ARHGEF37: variants seen among roughly 807,000 people sequenced by gnomAD.
ARHGEF37 encodes the protein Rho guanine nucleotide exchange factor (GEF) 37.
A neutral mutation model predicts 71.1 loss-of-function variants in ARHGEF37; 55 were observed. The ratio of observed to expected loss-of-function variants is 0.77; its 90% CI spans 0.62 to 0.97. ARHGEF37 has a LOEUF of 0.97. Ranked by LOEUF, ARHGEF37 falls within the 50% of genes least tolerant of loss-of-function variation. The pLI, the probability that ARHGEF37 is intolerant of heterozygous loss-of-function variation, is 0.00. For missense variants in ARHGEF37, 765 were observed against 836.8 expected (o/e 0.91, Z 1.06); for synonymous variants, 327 against 350.6 (o/e 0.93, Z 0.75).
chr5:149,601,718 C>CCT (rs1580909431), intron 3 of ARHGEF37, among the ~76,000 whole-genome samples: 1 of 152,042 alleles, frequency 6.6e-6, no homozygotes, highest in East Asian at 1.9e-4. Context: ...TGAGGGAAGG[C>CCT]CTCTGGAGGA....
At chr5:149,558,025 C>G (rs992634869) in intron 1 of ARHGEF37, among the ~76,000 whole-genome samples, 1 of 152,022 alleles carries the variant, frequency 6.6e-6, no homozygotes, top group Admixed American at 6.6e-5. Context: ...GCCACCACGA[C>G]TGGCTAATTA....
chr5:149,587,009 G>A (rs1245839206), intron 1 of ARHGEF37, among the ~76,000 whole-genome samples: 1 of 152,142 alleles, frequency 6.6e-6, no homozygotes, highest in African/African-American at 2.4e-5. Context: ...GATGATCTCT[G>A]TTTCCCTTTC....
intron 1 of ARHGEF37, among the ~76,000 whole-genome samples, chr5:149,584,580 T>G (rs962014680): frequency 1.3e-5 from 2 of 152,182 alleles, no homozygotes; most frequent in African/African-American, 4.8e-5. Context: ...ATTTTGACTA[T>G]AAACTGTTCT....
Position 149,607,755 on chromosome 5 carries a change from CTTTTTTTTTT to C in ARHGEF37, c.311-1777_311-1768del, listed in dbSNP as rs67079479. On this transcript the variant is annotated intron_variant, in intron 3 of 12. Transcript: ENST00000333677. ...GGTGGGGAGAATTATAAAGAAACTT[CTTTTTTTTTT>C]TTTTTTTTTTTTTTTGAGATGGAGT... Among the ~76,000 whole-genome samples, 2,352 of 83,172 alleles carry C rather than the reference CTTTTTTTTTT, an allele frequency of 0.028. 229 individuals carry two copies. The East Asian group carries it at 0.36, about 13-fold the overall frequency. 54.6% of individuals were successfully genotyped at this position (83,172 alleles called of 152,430 possible). A position where few individuals can be genotyped will look rare whatever the true frequency, so the allele number is the denominator to read the frequency against.
rs1231200550 is a variant in ARHGEF37, at chr5:149,618,182, A to G, written c.665A>G (p.Lys222Arg). The change falls in exon 6 of 13, where the codon AAG becomes AGG. Residue 222 changes from lysine (K) to arginine (R), a missense_variant. Physicochemically the swap from Lys to Arg is conservative, Grantham distance 26. This residue lies in a region of ARHGEF37 where 167 missense variants were observed against 173.3 expected (regional missense o/e 0.96). Transcript: ENST00000333677. ...EYKMRKEVASKYTKVEQLTLR... is the reference protein window; with the variant it reads ...EYKMRKEVASRYTKVEQLTLR... ...CTCTTCTCTGTCGTTGCAGCCTCCA[A>G]GTACACCAAGGTAGAGCAGCTGACC... 5.0e-6 allele frequency: 8 copies of G among 1,614,030 alleles called. No individual in the cohort carries two copies. The highest frequency in any genetic ancestry group is 6.8e-6 in the Non-Finnish European group (8 of 1,180,014).
At chr5:149,613,764 C>CTTTTTTTTTTTT (rs5872138) in intron 4 of ARHGEF37, among the ~76,000 whole-genome samples, 1 of 133,268 alleles carries the variant, frequency 7.5e-6, no homozygotes, top group Non-Finnish European at 1.6e-5. Flanking sequence ...ACAGTGTTTT[C>CTTTTTTTTTTTT]TTTTTTTTTT....
intron 1 of ARHGEF37, among the ~76,000 whole-genome samples, chr5:149,573,444 G>A (rs563784514): frequency 9.2e-5 from 14 of 152,016 alleles, no homozygotes; most frequent in African/African-American, 2.9e-4. Flanking sequence ...CTTCATTCAC[G>A]TCACTGCTAA....
In ARHGEF37 at chr5:149,562,334, T is replaced by C. The variant is rs1356774149; in HGVS notation, c.-12+10211T>C. On this transcript the variant is annotated intron_variant, in intron 1 of 2. Coordinates refer to the ARHGEF37 transcript ENST00000505810. ...GAGTATTTTGTGATTCACTGACTTG[T>C]GTTTTTCCTGGCCAGTATAAGAGCT... 2.0e-5 allele frequency among the ~76,000 whole-genome samples: 3 copies of C among 152,246 alleles called. No homozygotes were observed. In the East Asian group the frequency reaches 5.8e-4, roughly 29 times the overall value.
At chr5:149,624,288 A>T (rs10037341) in intron 10 of ARHGEF37, 148 bp downstream of exon 10, 49 of 1,129,256 alleles carry the variant, frequency 4.3e-5, no homozygotes, top group Non-Finnish European at 3.8e-5. Flanking sequence ...TCTCCTTTCT[A>T]TTTGAGCTGG....
At chr5:149,598,333 C>T (rs55710354) in intron 2 of ARHGEF37, among the ~76,000 whole-genome samples, 2,974 of 69,542 alleles carry the variant, frequency 0.043, 18 homozygotes, top group Middle Eastern at 0.073. Flanking sequence ...TTCTTTCTTC[C>T]TCTTCCTCTT....
chr5:149,616,442 C>T (rs1048450157), intron 4 of ARHGEF37, 125 bp from the exon 5 acceptor site: 2 of 845,234 alleles, frequency 2.4e-6, no homozygotes, highest in Non-Finnish European at 3.6e-6. Context: ...TGGAGGATCG[C>T]AGAGAGGGGG....
intron 1 of ARHGEF37, among the ~76,000 whole-genome samples, chr5:149,554,222 TG>T (rs1292550120): frequency 6.6e-6 from 1 of 152,154 alleles, no homozygotes; most frequent in African/African-American, 2.4e-5. Flanking sequence ...CCCAACACTT[TG>T]GGAGGCCAAG....
chr5:149,624,280 T>C lies in ARHGEF37; in HGVS notation c.1464+140T>C, dbSNP rs569968869. The stretch of plus-strand genomic sequence containing the variant: ...CCATGGAAATATGTTCTCTTCTCTC[T>C]CCTTTCTATTTGAGCTGGGGTGGGG... On this transcript the variant is annotated intron_variant, in intron 10 of 12. Transcript: ENST00000333677. 3.1e-5 allele frequency: 38 copies of C among 1,219,020 alleles called. No homozygotes were observed. The East Asian group carries it at 7.5e-4, about 24-fold the overall frequency. The allele number at this position is 1,219,020 out of a possible 1,614,324, so 75.5% of individuals were successfully genotyped here. A position where few individuals can be genotyped will look rare whatever the true frequency, so the allele number is the denominator to read the frequency against.
At chr5:149,556,682 T>G (rs1013790958) in intron 1 of ARHGEF37, among the ~76,000 whole-genome samples, 1 of 152,002 alleles carries the variant, frequency 6.6e-6, no homozygotes, top group African/African-American at 2.4e-5. Context: ...CCACTGCACC[T>G]GGCCGTAATT....
chr5:149,569,236 T>C (rs983134562), intron 1 of ARHGEF37, among the ~76,000 whole-genome samples: 7 of 152,100 alleles, frequency 4.6e-5, no homozygotes, highest in African/African-American at 1.7e-4. Context: ...CATGTTTTCA[T>C]TTATTTTGGT....
intron 1 of ARHGEF37, among the ~76,000 whole-genome samples, chr5:149,595,043 T>A (rs973459172): frequency 2.0e-5 from 3 of 152,176 alleles, no homozygotes; most frequent in Non-Finnish European, 4.4e-5. Context: ...GGAGAACAGG[T>A]TTGTGGTTGC....
chr5:149,563,603 C>T (rs1254057242), intron 1 of ARHGEF37, among the ~76,000 whole-genome samples: 2 of 152,188 alleles, frequency 1.3e-5, no homozygotes, highest in Non-Finnish European at 1.5e-5. Context: ...TACTCTGCTG[C>T]TGTTATTATT....
chr5:149,586,749 CTT>C (rs369522449), intron 1 of ARHGEF37, among the ~76,000 whole-genome samples: 1 of 152,362 alleles, frequency 6.6e-6, no homozygotes, highest in East Asian at 1.9e-4. Flanking sequence ...GATCAACACT[CTT>C]TGAATTTAGT....
intron 9 of ARHGEF37, 139 bp from the exon 10 acceptor site, chr5:149,623,873 A>T (rs1005989611): frequency 4.3e-6 from 5 of 1,172,164 alleles, no homozygotes; most frequent in Admixed American, 2.6e-5. Context: ...AATGCAAGAG[A>T]TCCTGCACAG....
Sources: allele counts gnomAD v4.1 joint callset (sites outside exome capture counted in the v4.1 genomes callset), GRCh38; gene constraint gnomAD v4.1.1; regional missense constraint gnomAD v4.1.1; transcripts MANE v1.5; gene names NCBI Gene and HGNC (gene_info 2026-07-23, HGNC 2026-07-21).